The following NEB variants were observed in gnomAD, a reference collection of about 807,000 sequenced individuals.
NEB encodes nebulin, also known as nemaline myopathy type 2.
A neutral mutation model predicts 952.2 loss-of-function variants in NEB; 512 were observed. The observed-to-expected ratio is 0.54, with a 90% CI of 0.50 to 0.58. NEB has a LOEUF of 0.58. Ranked by LOEUF, NEB falls within the 20% of genes least tolerant of loss-of-function variation. The probability of loss-of-function intolerance (pLI) is 0.00; values close to 1 mark genes in which losing one functional copy is unlikely to be tolerated. For missense variants in NEB, 8,428 were observed against 9,231.1 expected (o/e 0.91, Z 3.56); for synonymous variants, 2,900 against 3,149.8 (o/e 0.92, Z 2.66).
In NEB at chr2:151,675,272, A is replaced by C; in HGVS notation, c.3879+15T>G. On this transcript the variant is annotated intron_variant, in intron 35 of 181. Coordinates refer to ENST00000397345, the MANE Select transcript of NEB (RefSeq NM_001164508.2). The stretch of plus-strand genomic sequence containing the variant: ...TCAGGTCCGAATTTCACATCCCAGC[A>C]AAGACCCTACTTACGTCACTTATAT... 1.3e-6 allele frequency: 2 copies of C among 1,521,936 alleles called. No individual in the cohort carries two copies. Among genetic ancestry groups the C allele is most frequent in the Non-Finnish European group, 1.8e-6 (2 of 1,111,458 alleles). 94.3% of individuals were successfully genotyped at this position (1,521,936 alleles called of 1,614,324 possible). A position where few individuals can be genotyped will look rare whatever the true frequency, so the allele number is the denominator to read the frequency against.
chr2:151,687,841 A>G, intron 25 of NEB, 108 bp from the exon 26 acceptor site: 1 of 1,011,398 alleles, frequency 9.9e-7, no homozygotes, highest in Non-Finnish European at 1.5e-6. Flanking sequence ...TTTCTCCTAT[A>G]AAAACTATAT....
chr2:151,674,084 T>C (rs947189217), intron 36 of NEB, among the ~76,000 whole-genome samples: 1 of 152,228 alleles, frequency 6.6e-6, no homozygotes, highest in Non-Finnish European at 1.5e-5. Context: ...CTTTGGTTTA[T>C]AAAAATCTGT....
chr2:151,497,657 C>T lies in NEB; in HGVS notation c.24269G>A (p.Arg8090Lys). The T allele has an allele frequency of 6.3e-7, 1 of 1,583,708 alleles. No individual in the cohort carries two copies. The highest frequency in any genetic ancestry group is 8.6e-7 in the Non-Finnish European group (1 of 1,162,484). Residue 8090 changes from arginine (R) to lysine (K), a missense_variant, in exon 171 of 182, where the codon AGA becomes AAA. Physicochemically the swap from Arg to Lys is conservative, Grantham distance 26. Around this residue, in one of 11 missense-constraint regions of NEB, gnomAD observed 3,374 missense variants for 3,651.5 expected, o/e 0.92. Coordinates refer to ENST00000397345, the MANE Select transcript of NEB (RefSeq NM_001164508.2). Reference protein sequence around the residue: ...TPLPVTPEMERVKHNQENISS... With the variant: ...TPLPVTPEMEKVKHNQENISS... ...AATATTTTCTTGATTGTGTTTGACTCTTTCCATCTCGGGAGTGACAGGTAA... is the reference window on the plus strand; with the variant it reads ...AATATTTTCTTGATTGTGTTTGACTTTTTCCATCTCGGGAGTGACAGGTAA...
intron 70 of NEB, 37 bp from the exon 71 acceptor site, chr2:151,625,675 A>C: frequency 6.9e-7 from 1 of 1,442,344 alleles, no homozygotes; most frequent in Non-Finnish European, 9.4e-7. Flanking sequence ...TTAGAAAAAC[A>C]GTTTGTTGTA....
intron 180 of NEB, 37 bp from the exon 181 acceptor site, chr2:151,490,114 A>C (rs1258687251): frequency 6.7e-7 from 1 of 1,481,594 alleles, no homozygotes; most frequent in East Asian, 2.3e-5. Flanking sequence ...TAAGAAGAAA[A>C]ATGGCTAGGT....
At chr2:151,706,829 T>C in intron 13 of NEB, 52 bp downstream of exon 13, 4 of 1,317,632 alleles carry the variant, frequency 3.0e-6, no homozygotes, top group Non-Finnish European at 4.2e-6. Context: ...GAGAAAATTT[T>C]CATCTCTTTT....
intron 107 of NEB, among the ~76,000 whole-genome samples, chr2:151,572,527 T>C (rs1463391934): frequency 1.4e-5 from 2 of 145,788 alleles, no homozygotes; most frequent in Non-Finnish European, 3.0e-5. Context: ...ATATAAAATA[T>C]ATATATAAAA....
chr2:151,496,459 G>A, intron 172 of NEB, 91 bp from the exon 173 acceptor site: 1 of 1,482,100 alleles, frequency 6.7e-7, no homozygotes, highest in Non-Finnish European at 9.1e-7. Context: ...TCCTTGTTAA[G>A]AAAACACAGT....
At chr2:151,619,942 A>G (rs1195451033) in intron 72 of NEB, among the ~76,000 whole-genome samples, 180 bp from the exon 73 acceptor site, 1 of 152,188 alleles carries the variant, frequency 6.6e-6, no homozygotes, top group Non-Finnish European at 1.5e-5. Context: ...GAATAACCCC[A>G]CAATGGTTCC....
chr2:151,617,080 C>CT (rs1353740967), intron 75 of NEB, among the ~76,000 whole-genome samples: 1 of 152,328 alleles, frequency 6.6e-6, no homozygotes, highest in African/African-American at 2.4e-5. Context: ...AAAATAATGA[C>CT]TTGATACCCA....
At chr2:151,653,578 C>T (rs1472294005) in intron 52 of NEB, among the ~76,000 whole-genome samples, 1 of 152,058 alleles carries the variant, frequency 6.6e-6, no homozygotes, top group Non-Finnish European at 1.5e-5. Flanking sequence ...TAACTGACAG[C>T]CTATTTTAAA....
At chr2:151,530,465 TC>T (rs1324472225) in intron 145 of NEB, among the ~76,000 whole-genome samples, 1 of 152,200 alleles carries the variant, frequency 6.6e-6, no homozygotes, top group Non-Finnish European at 1.5e-5. Flanking sequence ...AGTAAACTGT[TC>T]CGAGGGAGCC....
chr2:151,664,021 A>C (rs1271810616), intron 44 of NEB, among the ~76,000 whole-genome samples, 162 bp from the exon 45 acceptor site: 2 of 150,922 alleles, frequency 1.3e-5, no homozygotes, highest in Admixed American at 1.3e-4. Context: ...TTTTTACTTC[A>C]TTTTTTTTTT....
chr2:151,658,720 G>C (rs992509268), intron 47 of NEB, among the ~76,000 whole-genome samples: 2 of 152,136 alleles, frequency 1.3e-5, no homozygotes, highest in African/African-American at 2.4e-5. Context: ...TCAAAGGCTT[G>C]ATGGAAGGGC....
At chr2:151,554,506 G>C (rs1011101721) in intron 125 of NEB, among the ~76,000 whole-genome samples, 3 of 152,158 alleles carry the variant, frequency 2.0e-5, no homozygotes, top group African/African-American at 7.2e-5. Context: ...CTTGCAGTGA[G>C]CTGTGATTGC....
intron 46 of NEB, among the ~76,000 whole-genome samples, chr2:151,661,525 T>G (rs1459791431): frequency 6.6e-6 from 1 of 152,236 alleles, no homozygotes; most frequent in African/African-American, 2.4e-5. Context: ...GCAGTTATTT[T>G]ATTACTTTTA....
At chr2:151,498,142 A>C (rs949224908) in intron 170 of NEB, 118 bp downstream of exon 170, 4 of 1,528,892 alleles carry the variant, frequency 2.6e-6, no homozygotes, top group Non-Finnish European at 3.5e-6. Flanking sequence ...TCCTTTTGTA[A>C]TATAAGATGT....
chr2:151,632,767 G>A (rs1487162320), intron 65 of NEB, among the ~76,000 whole-genome samples: 1 of 152,106 alleles, frequency 6.6e-6, no homozygotes, highest in East Asian at 1.9e-4. Flanking sequence ...CATTATGAAG[G>A]TCATATCGCA....
chr2:151,500,234 T>C (rs1352803992), intron 168 of NEB, among the ~76,000 whole-genome samples: 2 of 152,102 alleles, frequency 1.3e-5, no homozygotes, highest in Non-Finnish European at 2.9e-5. Context: ...CCAAAGAAAG[T>C]TACTGATCTA....
Sources: gnomAD v4.1 joint callset for allele counts (sites outside exome capture counted in the v4.1 genomes callset) on GRCh38, gnomAD v4.1.1 for gene constraint, gnomAD v4.1.1 regional missense constraint, MANE v1.5 for transcripts, NCBI Gene and HGNC (gene_info 2026-07-23, HGNC 2026-07-21) for gene names.